Variants in NMNAT2 observed in about 807,000 individuals in gnomAD.
NMNAT2 encodes nicotinamide/nicotinic acid mononucleotide adenylyltransferase 2.
In NMNAT2, 11 loss-of-function variants were observed where a neutral mutation model predicts 41.6. The ratio of observed to expected loss-of-function variants is 0.26; its 90% CI spans 0.17 to 0.44. NMNAT2 has a LOEUF of 0.44. Among genes scored for constraint, NMNAT2 ranks in the 20% least tolerant of loss-of-function variants. The pLI, the probability that NMNAT2 is intolerant of heterozygous loss-of-function variation, is 1.00. For synonymous variants in NMNAT2, 148 were observed against 151.2 expected (o/e 0.98, Z 0.16); for missense variants, 288 against 407.7 (o/e 0.71, Z 2.53).
At chr1:183,313,168 A>C (rs1376783517) in intron 1 of NMNAT2, among the ~76,000 whole-genome samples, 1 of 152,046 alleles carries the variant, frequency 6.6e-6, no homozygotes, top group African/African-American at 2.4e-5. Context: ...TTACAAGCAT[A>C]CTATAGGATA....
intron 1 of NMNAT2, among the ~76,000 whole-genome samples, chr1:183,340,918 T>C (rs1662784747): frequency 6.6e-6 from 1 of 152,198 alleles, no homozygotes; most frequent in Admixed American, 6.5e-5. Flanking sequence ...ATGCTTTACA[T>C]GTGGGAAGGC....
At chr1:183,360,071 G>A (rs1024140347) in intron 1 of NMNAT2, among the ~76,000 whole-genome samples, 1 of 151,910 alleles carries the variant, frequency 6.6e-6, no homozygotes, top group Admixed American at 6.6e-5. Context: ...GGGTTCCTTC[G>A]AGCCTGACAG....
chr1:183,374,448 TAATC>T (rs1663629371), intron 1 of NMNAT2, among the ~76,000 whole-genome samples: 1 of 152,204 alleles, frequency 6.6e-6, no homozygotes, highest in Non-Finnish European at 1.5e-5. Context: ...GCCGGAGTCA[TAATC>T]ATTCATTCCA....
At chr1:183,349,604 G>A (rs1023326721) in intron 1 of NMNAT2, among the ~76,000 whole-genome samples, 1 of 152,238 alleles carries the variant, frequency 6.6e-6, no homozygotes, top group Non-Finnish European at 1.5e-5. Context: ...GCATGTTTGT[G>A]TCTAGTGCTG....
At chr1:183,349,039 A>T (rs1007682368) in intron 1 of NMNAT2, among the ~76,000 whole-genome samples, 1 of 152,200 alleles carries the variant, frequency 6.6e-6, no homozygotes, top group Non-Finnish European at 1.5e-5. Flanking sequence ...TGTTACCTGC[A>T]AAACTCTGGC....
chr1:183,282,920 A>T (rs1342761056), intron 7 of NMNAT2: 1 of 152,172 alleles, frequency 6.6e-6, no homozygotes, highest in Non-Finnish European at 1.5e-5. Context: ...AGTTAATATA[A>T]CTTAATTTTT....
chr1:183,363,370 A>C (rs922169525), intron 1 of NMNAT2, among the ~76,000 whole-genome samples: 1 of 152,240 alleles, frequency 6.6e-6, no homozygotes, highest in Non-Finnish European at 1.5e-5. Context: ...ATAAAGCATC[A>C]AACACAGTTT....
chr1:183,314,780 G>A (rs1391112116), intron 1 of NMNAT2, among the ~76,000 whole-genome samples: 1 of 152,224 alleles, frequency 6.6e-6, no homozygotes, highest in Admixed American at 6.5e-5. Flanking sequence ...TCAAGAAGCT[G>A]AGGCAGGAGC....
At chr1:183,367,574 C>T (rs1204883368) in intron 1 of NMNAT2, among the ~76,000 whole-genome samples, 1 of 152,058 alleles carries the variant, frequency 6.6e-6, no homozygotes, top group Non-Finnish European at 1.5e-5. Context: ...ATAATAGAAG[C>T]CCAGTGCAAG....
rs760875625 is a variant in NMNAT2, at chr1:183,284,755, G to A, written c.484C>T (p.Arg162Trp). 29 of 1,613,428 alleles carry A rather than the reference G, an allele frequency of 1.8e-5. 1 individual carries two copies. The highest frequency in any genetic ancestry group is 4.5e-5 in the East Asian group (2 of 44,892). The change falls in exon 6 of 11, where the codon CGG becomes TGG. Residue 162 changes from arginine to tryptophan, a missense_variant. Physicochemically the swap from Arg to Trp is moderately radical, Grantham distance 101. Transcript: ENST00000287713. ...ACCGGCGGGCGGACACAGCAGATCC[G>A]GCTGAGGCTTTCTCCCACCTTCCCC... The part of the protein sequence containing the change: ...ILGKVGESLS[R>W]ICCVRPPVER...
chr1:183,315,634 T>C (rs956060397), intron 1 of NMNAT2, among the ~76,000 whole-genome samples: 1 of 151,900 alleles, frequency 6.6e-6, no homozygotes, highest in Non-Finnish European at 1.5e-5. Flanking sequence ...ATACAAAAAT[T>C]AGCCGGGCAT....
intron 10 of NMNAT2, among the ~76,000 whole-genome samples, chr1:183,259,528 T>A (rs1571555520): frequency 6.6e-6 from 1 of 152,304 alleles, no homozygotes; most frequent in East Asian, 1.9e-4. Context: ...TTCTATTAAA[T>A]GCTAAAATGT....
At chr1:183,317,013 A>G (rs1557876260) in intron 1 of NMNAT2, among the ~76,000 whole-genome samples, 1 of 152,174 alleles carries the variant, frequency 6.6e-6, no homozygotes, top group Non-Finnish European at 1.5e-5. Flanking sequence ...CACATTTGAT[A>G]AATGTTACCT....
chr1:183,387,681 G>C (rs1434913268), intron 1 of NMNAT2, among the ~76,000 whole-genome samples: 1 of 152,132 alleles, frequency 6.6e-6, no homozygotes. Flanking sequence ...TTTGCTCATG[G>C]TATTCTCTCT....
chr1:183,310,181 C>T (rs755813774), intron 1 of NMNAT2, among the ~76,000 whole-genome samples: 1 of 152,180 alleles, frequency 6.6e-6, no homozygotes, highest in Non-Finnish European at 1.5e-5. Context: ...CAGACGGACT[C>T]TCCCAAACAT....
intron 1 of NMNAT2, among the ~76,000 whole-genome samples, chr1:183,364,715 G>T (rs4652798): frequency 1.5e-5 from 1 of 67,176 alleles, no homozygotes; most frequent in Non-Finnish European, 3.5e-5. Flanking sequence ...TGTTTGAGAC[G>T]GAGTCTCACA....
intron 4 of NMNAT2, 115 bp from the exon 5 acceptor site, chr1:183,286,903 G>T: frequency 8.9e-7 from 1 of 1,118,478 alleles, no homozygotes; most frequent in South Asian, 1.7e-5. Context: ...AGCTGAGGAA[G>T]AGCCCTGGGG....
intron 1 of NMNAT2, among the ~76,000 whole-genome samples, chr1:183,294,860 T>A (rs1468243668): frequency 6.6e-6 from 1 of 152,172 alleles, no homozygotes. Context: ...AAATCTAGCA[T>A]GGAGTTTATA....
chr1:183,295,630 A>G (rs774851928), intron 1 of NMNAT2, among the ~76,000 whole-genome samples: 9 of 152,014 alleles, frequency 5.9e-5, no homozygotes, highest in Non-Finnish European at 1.0e-4. Flanking sequence ...CATACCCAGT[A>G]TTTTCATCCC....
Sources: allele counts gnomAD v4.1 joint callset (sites outside exome capture counted in the v4.1 genomes callset), GRCh38; gene constraint gnomAD v4.1.1; transcripts MANE v1.5; gene names NCBI Gene and HGNC (gene_info 2026-07-23, HGNC 2026-07-21).